PDZRN4: variants seen among roughly 807,000 people sequenced by gnomAD.
PDZRN4 encodes PDZ domain containing ring finger 4.
A neutral mutation model predicts 99.0 loss-of-function variants in PDZRN4; 70 were observed. The observed-to-expected ratio is 0.71, with a 90% CI of 0.58 to 0.86. The LOEUF (loss-of-function observed/expected upper bound fraction) is 0.86, where lower values mean the gene tolerates loss of function less well. Ranked by LOEUF, PDZRN4 falls within the 40% of genes least tolerant of loss-of-function variation. The pLI, the probability that PDZRN4 is intolerant of heterozygous loss-of-function variation, is 0.00. For missense variants in PDZRN4, 1,474 were observed against 1,331.2 expected, an observed-to-expected ratio of 1.11 and a Z score of -1.67; for synonymous variants, 551 against 501.6, an observed-to-expected ratio of 1.10 and a Z score of -1.32.
intron 3 of PDZRN4, among the ~76,000 whole-genome samples, chr12:41,403,509 A>G (rs776974516): frequency 2.3e-4 from 35 of 151,998 alleles, no homozygotes; most frequent in Non-Finnish European, 4.6e-4. Context: ...TATGCCCCTC[A>G]CTCCAAGGTT....
At chr12:41,470,785 G>A (rs1456631633) in intron 3 of PDZRN4, among the ~76,000 whole-genome samples, 2 of 152,018 alleles carry the variant, frequency 1.3e-5, no homozygotes, top group Non-Finnish European at 2.9e-5. Flanking sequence ...CTTTTACTCT[G>A]TTGGCAAGAA....
At chr12:41,278,728 C>G (rs60384602) in intron 3 of PDZRN4, among the ~76,000 whole-genome samples, 1,728 of 152,230 alleles carry the variant, frequency 0.011, 41 homozygotes, top group African/African-American at 0.039. Flanking sequence ...AAGGGAACAG[C>G]GGAAAATGCT....
chr12:41,188,498 G>T lies in PDZRN4; in HGVS notation c.43G>T (p.Ala15Ser), dbSNP rs746798750. ...GCGCTTCGCAGAAGCCGTGGACCCGGCTCTGGAGTGCAAACTGTGCGGCCA... is the reference window on the plus strand; with the variant it reads ...GCGCTTCGCAGAAGCCGTGGACCCGTCTCTGGAGTGCAAACTGTGCGGCCA... ...LERFAEAVDP[A>S]LECKLCGQVL... The change falls in exon 1 of 10, where the codon GCT becomes TCT. Residue 15 changes from alanine (A) to serine (S), a missense_variant. Coordinates refer to ENST00000402685, the MANE Select transcript of PDZRN4 (RefSeq NM_001164595.2). 3.8e-6 allele frequency: 6 copies of T among 1,590,568 alleles called. No homozygotes were observed. In the South Asian group the frequency reaches 6.7e-5, roughly 18 times the overall value.
At chr12:41,191,897 C>A (rs569465724) in intron 2 of PDZRN4, among the ~76,000 whole-genome samples, 85 of 152,096 alleles carry the variant, frequency 5.6e-4, no homozygotes, top group African/African-American at 2.0e-3. Context: ...ATTCTCCTGC[C>A]TCAGCCTCCC....
At chr12:41,275,588 G>A (rs1951345151) in intron 3 of PDZRN4, among the ~76,000 whole-genome samples, 1 of 151,906 alleles carries the variant, frequency 6.6e-6, no homozygotes, top group Admixed American at 6.6e-5. Context: ...TGCATGCTAG[G>A]GTCTGTGCTA....
intron 3 of PDZRN4, among the ~76,000 whole-genome samples, chr12:41,210,349 T>A (rs557021782): frequency 1.3e-5 from 2 of 152,232 alleles, no homozygotes; most frequent in South Asian, 4.1e-4. Context: ...CTCTTTAGTT[T>A]AATTAGATCC....
chr12:41,259,779 A>G (rs1322426179), intron 3 of PDZRN4, among the ~76,000 whole-genome samples: 4 of 152,166 alleles, frequency 2.6e-5, no homozygotes, highest in African/African-American at 9.6e-5. Flanking sequence ...GCTACTTTTA[A>G]GCTAATCAGC....
intron 3 of PDZRN4, among the ~76,000 whole-genome samples, chr12:41,224,880 C>T (rs78132439): frequency 0.024 from 3,711 of 152,246 alleles, 113 homozygotes; most frequent in African/African-American, 0.072. Context: ...TGATTAACTC[C>T]AGTTCTCATT....
intron 3 of PDZRN4, among the ~76,000 whole-genome samples, chr12:41,304,681 A>G (rs181105637): frequency 3.9e-5 from 6 of 152,300 alleles, no homozygotes; most frequent in Admixed American, 1.3e-4. Context: ...ATAAAAATGA[A>G]TAGGATATGG....
intron 5 of PDZRN4, among the ~76,000 whole-genome samples, chr12:41,520,110 A>G (rs1312361123): frequency 1.3e-5 from 2 of 152,118 alleles, no homozygotes; most frequent in Non-Finnish European, 2.9e-5. Context: ...GTTCTATACC[A>G]TTGATTTCAT....
intron 3 of PDZRN4, among the ~76,000 whole-genome samples, chr12:41,243,374 TA>T (rs1397443242): frequency 6.6e-6 from 1 of 152,182 alleles, no homozygotes; most frequent in African/African-American, 2.4e-5. Flanking sequence ...AATTACAATT[TA>T]AAAAATTAAT....
In PDZRN4 at chr12:41,542,245, G is replaced by A. The variant is rs183006722; in HGVS notation, c.1204-10411G>A. On this transcript the variant is annotated intron_variant, in intron 5 of 9. Transcript: ENST00000402685. ...AGAGTGGAGATGCAATCAAGACCGC[G>A]GGGCCAGGTGAAAGCAGCACTATAG... Among the ~76,000 whole-genome samples, 140 of 152,324 alleles carry A rather than the reference G, an allele frequency of 9.2e-4. 1 individual carries two copies. Among genetic ancestry groups the A allele is most frequent in the African/African-American group, 2.6e-3 (108 of 41,570 alleles).
At chr12:41,532,211 A>G (rs1420618096) in intron 5 of PDZRN4, among the ~76,000 whole-genome samples, 1 of 152,168 alleles carries the variant, frequency 6.6e-6, no homozygotes, top group Non-Finnish European at 1.5e-5. Context: ...TTATAACTCC[A>G]TCATAAATCA....
chr12:41,459,814 C>A, intron 3 of PDZRN4: 1 of 506,374 alleles, frequency 2.0e-6, no homozygotes, highest in Non-Finnish European at 3.1e-6. Flanking sequence ...GACAGCATAG[C>A]CCTGCATCAT....
At chr12:41,524,947 T>C (rs1212814252) in intron 5 of PDZRN4, among the ~76,000 whole-genome samples, 1 of 152,064 alleles carries the variant, frequency 6.6e-6, no homozygotes, top group Non-Finnish European at 1.5e-5. Context: ...TATTGCTGAT[T>C]GACTAATTAT....
At chr12:41,442,380 A>G (rs887622063) in intron 3 of PDZRN4, among the ~76,000 whole-genome samples, 2 of 152,170 alleles carry the variant, frequency 1.3e-5, no homozygotes, top group African/African-American at 4.8e-5. Context: ...AAAAAAATTA[A>G]TCTCTCCCAC....
At chr12:41,556,453 T>G (rs1368619341) in intron 7 of PDZRN4, among the ~76,000 whole-genome samples, 1 of 152,228 alleles carries the variant, frequency 6.6e-6, no homozygotes, top group Admixed American at 6.5e-5. Context: ...CTGTACAGCA[T>G]GTTACTGCAC....
chr12:41,198,617 G>A (rs1950794227), intron 3 of PDZRN4, among the ~76,000 whole-genome samples: 1 of 129,660 alleles, frequency 7.7e-6, no homozygotes, highest in Non-Finnish European at 1.6e-5. Flanking sequence ...TTGTGGGGTG[G>A]GGGGAGGGGG....
At chr12:41,268,366 T>G (rs1213231039) in intron 3 of PDZRN4, among the ~76,000 whole-genome samples, 1 of 152,234 alleles carries the variant, frequency 6.6e-6, no homozygotes, top group Admixed American at 6.5e-5. Flanking sequence ...TAGTTTCACT[T>G]GTGTTTTTAC....
Sources: gnomAD v4.1 joint callset for allele counts (sites outside exome capture counted in the v4.1 genomes callset) on GRCh38, gnomAD v4.1.1 for gene constraint, MANE v1.5 for transcripts, NCBI Gene and HGNC (gene_info 2026-07-23, HGNC 2026-07-21) for gene names.